The following TFB1M variants were observed in gnomAD, a reference collection of about 807,000 sequenced individuals.
TFB1M encodes transcription factor B1, mitochondrial.
A neutral mutation model predicts 31.1 loss-of-function variants in TFB1M; 27 were observed. The observed-to-expected ratio is 0.87, with a 90% confidence interval of 0.64 to 1.20. The LOEUF is 1.20. Among genes scored for constraint, TFB1M ranks in the 50% most tolerant of loss-of-function variants. The pLI is 0.00. For synonymous variants in TFB1M, 166 were observed against 151.8 expected (o/e 1.09, Z -0.69); for missense variants, 394 against 418.7 (o/e 0.94, Z 0.51).
At chr6:155,294,131 C>G (rs1583360527) in intron 4 of TFB1M, among the ~76,000 whole-genome samples, 2 of 152,252 alleles carry the variant, frequency 1.3e-5, no homozygotes, top group African/African-American at 2.4e-5. Context: ...GTAAATGGAG[C>G]TAGGTTAGTT....
downstream of TFB1M, chr6:155,254,166 C>G: frequency 8.0e-7 from 1 of 1,244,222 alleles, no homozygotes; most frequent in Non-Finnish European, 1.1e-6. Context: ...ATATCAGGGT[C>G]ATACTCCCCA....
intron 4 of TFB1M, among the ~76,000 whole-genome samples, chr6:155,293,286 A>C (rs922249198): frequency 1.3e-5 from 2 of 152,222 alleles, no homozygotes; most frequent in African/African-American, 4.8e-5. Context: ...CCAAATATCC[A>C]TGCATTTACT....
chr6:155,232,616 A>G, the TFB1M span: 1 of 152,228 alleles, frequency 6.6e-6, no homozygotes, highest in Admixed American at 6.5e-5. Flanking sequence ...AGGACATGAG[A>G]CTTGGATTCA....
the TFB1M span, among the ~76,000 whole-genome samples, chr6:155,231,639 C>CA: frequency 3.3e-5 from 5 of 152,222 alleles, no homozygotes; most frequent in African/African-American, 1.2e-4. Flanking sequence ...CAGCTTCCCC[C>CA]CAAGCACTAA....
the TFB1M span, among the ~76,000 whole-genome samples, chr6:155,248,937 C>CT: frequency 6.6e-6 from 1 of 152,086 alleles, no homozygotes; most frequent in Non-Finnish European, 1.5e-5. Flanking sequence ...ATTAAACTGG[C>CT]TTTTTTTCCA....
chr6:155,283,593 T>G (rs953499447), intron 5 of TFB1M, among the ~76,000 whole-genome samples: 15 of 152,206 alleles, frequency 9.9e-5, no homozygotes, highest in African/African-American at 3.4e-4. Context: ...CGAAACTCCA[T>G]CAAATAATCT....
downstream of TFB1M, among the ~76,000 whole-genome samples, chr6:155,252,478 A>G (rs1783723894): frequency 6.6e-6 from 1 of 152,208 alleles, no homozygotes; most frequent in Non-Finnish European, 1.5e-5. Flanking sequence ...ATAAATACAT[A>G]AATAAGTAAA....
At position 155,257,072 on chromosome 6, in the gene TFB1M, T is replaced by C. The variant is rs764445494; in HGVS notation, c.*764A>G. 5.7e-5 allele frequency: 92 copies of C among 1,613,928 alleles called. No individual in the cohort carries two copies. Among genetic ancestry groups the C allele is most frequent in the Non-Finnish European group, 5.1e-6 (6 of 1,180,012 alleles). ...TTCAGTGTCCAGAGTTTAACATCTGTTGTCAGTGAGGAGTGTTTTTATGAA... is the reference window on the plus strand; with the variant it reads ...TTCAGTGTCCAGAGTTTAACATCTGCTGTCAGTGAGGAGTGTTTTTATGAA... On this transcript the variant is annotated 3_prime_UTR_variant, in exon 7 of 7. Coordinates refer to ENST00000367166, the MANE Select transcript of TFB1M (RefSeq NM_016020.4).
the TFB1M span, among the ~76,000 whole-genome samples, chr6:155,235,000 T>C: frequency 1.7e-5 from 2 of 117,762 alleles, no homozygotes; most frequent in Non-Finnish European, 4.3e-5. Context: ...GGAGCACAGC[T>C]AGAGATGGAG....
At chr6:155,284,744 G>T (rs1776543607) in intron 5 of TFB1M, among the ~76,000 whole-genome samples, 1 of 151,902 alleles carries the variant, frequency 6.6e-6, no homozygotes, top group African/African-American at 2.4e-5. Context: ...CCATAATAAG[G>T]TCTCCCAAAA....
the TFB1M span, among the ~76,000 whole-genome samples, chr6:155,239,904 T>TTACCATCTTCATC: frequency 0.011 from 1,678 of 152,324 alleles, 15 homozygotes; most frequent in Middle Eastern, 0.024. Context: ...GGTGAGGGTG[T>TTACCATCTTCATC]TACCATCTTC....
At chr6:155,277,185 C>T (rs1204986321) in intron 5 of TFB1M, among the ~76,000 whole-genome samples, 2 of 152,228 alleles carry the variant, frequency 1.3e-5, no homozygotes, top group African/African-American at 2.4e-5. Flanking sequence ...TATCCTATCA[C>T]ATTCTGGATT....
chr6:155,275,960 A>G, intron 5 of TFB1M: 1 of 1,614,180 alleles, frequency 6.2e-7, no homozygotes, highest in South Asian at 1.1e-5. Context: ...GCAGGCTGCG[A>G]GAGCCACCAT....
intron 5 of TFB1M, chr6:155,263,871 T>C (rs1784500465): frequency 6.8e-6 from 1 of 147,316 alleles, no homozygotes; most frequent in African/African-American, 2.5e-5. Flanking sequence ...ATAGTGGAGA[T>C]GAAAAAATGA....
rs773206533 is a variant in TFB1M at position 155,257,928 on chromosome 6, G to A, written c.949C>T (p.Leu317Phe). 3 of 1,614,034 alleles carry A rather than the reference G, an allele frequency of 1.9e-6. No individual in the cohort carries two copies. Among genetic ancestry groups the A allele is most frequent in the Admixed American group, 1.7e-5 (1 of 60,008 alleles). Residue 317 changes from leucine (L) to phenylalanine (F), a missense_variant, in exon 7 of 7, where the codon CTC (leucine) becomes TTC (phenylalanine). Coordinates refer to ENST00000367166, the MANE Select transcript of TFB1M (RefSeq NM_016020.4). ...YRKMCDEDPQ[L>F]FAYNFREELK... Reference sequence around the variant, plus strand: ...TCTTCTCTGAAATTATATGCAAAGAGTTGTGGGTCTTCATCACACATTTTT... The same window carrying A: ...TCTTCTCTGAAATTATATGCAAAGAATTGTGGGTCTTCATCACACATTTTT...
At position 155,257,923 on chromosome 6, in the gene TFB1M, A is replaced by G; in HGVS notation, c.954T>C (p.Phe318=). 1 of 1,614,074 alleles carries G rather than the reference A, an allele frequency of 6.2e-7. No homozygotes were observed. Among genetic ancestry groups the G allele is most frequent in the Non-Finnish European group, 8.5e-7 (1 of 1,179,992 alleles). The part of the protein sequence containing the change: ...RKMCDEDPQL[F]AYNFREELKR... ...TGAGTTCTTCTCTGAAATTATATGC[A>G]AAGAGTTGTGGGTCTTCATCACACA... is the stretch of plus-strand genomic sequence containing the variant. The change falls in exon 7 of 7, where the codon TTT becomes TTC. Residue 318 remains phenylalanine (F), a synonymous_variant. Coordinates refer to ENST00000367166, the MANE Select transcript of TFB1M (RefSeq NM_016020.4).
intron 4 of TFB1M, among the ~76,000 whole-genome samples, chr6:155,287,943 C>T (rs563935684): frequency 6.6e-6 from 1 of 152,220 alleles, no homozygotes; most frequent in South Asian, 2.1e-4. Flanking sequence ...AGGCAGGGGG[C>T]CCCACTGCTC....
intron 5 of TFB1M, among the ~76,000 whole-genome samples, chr6:155,265,877 C>A (rs1214075887): frequency 6.6e-6 from 1 of 151,280 alleles, no homozygotes; most frequent in Non-Finnish European, 1.5e-5. Context: ...GCAAGGAGAG[C>A]CAGTCCAAGT....
chr6:155,302,188 A>G (rs952588114), intron 2 of TFB1M, among the ~76,000 whole-genome samples: 10 of 152,200 alleles, frequency 6.6e-5, no homozygotes, highest in African/African-American at 2.4e-4. Context: ...CCCATTTTGC[A>G]TATTTTATGT....
Sources: allele counts gnomAD v4.1 joint callset (sites outside exome capture counted in the v4.1 genomes callset), GRCh38; gene constraint gnomAD v4.1.1; transcripts MANE v1.5; gene names NCBI Gene and HGNC (gene_info 2026-07-23, HGNC 2026-07-21).